The following PPARGC1A variants were observed in gnomAD, a reference collection of about 807,000 sequenced individuals.
The protein encoded by PPARGC1A is PPARG coactivator 1 alpha.
A neutral mutation model predicts 88.7 loss-of-function variants in PPARGC1A; 25 were observed. The ratio of observed to expected loss-of-function variants is 0.28; its 90% CI spans 0.21 to 0.39. The LOEUF is 0.39. Among genes scored for constraint, PPARGC1A ranks in the 10% least tolerant of loss-of-function variants. The pLI, the probability that PPARGC1A is intolerant of heterozygous loss-of-function variation, is 1.00. For synonymous variants in PPARGC1A, 363 were observed against 355.6 expected, an observed-to-expected ratio of 1.02 and a Z score of -0.24; for missense variants, 880 against 968.7, an observed-to-expected ratio of 0.91 and a Z score of 1.22.
chr4:24,195,610 G>C, the PPARGC1A span, among the ~76,000 whole-genome samples: 2 of 151,962 alleles, frequency 1.3e-5, no homozygotes, highest in Admixed American at 1.3e-4. Context: ...CAGCAAGCAG[G>C]GTTTTAAATA....
At chr4:24,208,741 C>A in the PPARGC1A span, among the ~76,000 whole-genome samples, 1 of 149,152 alleles carries the variant, frequency 6.7e-6, no homozygotes, top group Non-Finnish European at 1.5e-5. Flanking sequence ...ACGTATAATT[C>A]ATCCAGTGCT....
chr4:23,839,570 A>G (rs1726674272), intron 2 of PPARGC1A, among the ~76,000 whole-genome samples: 1 of 152,182 alleles, frequency 6.6e-6, no homozygotes, highest in African/African-American at 2.4e-5. Context: ...CATGTCCTCA[A>G]GTGAAACAAC....
At chr4:23,825,237 T>A (rs1307253094) in intron 5 of PPARGC1A, 1 of 152,098 alleles carries the variant, frequency 6.6e-6, no homozygotes, top group Non-Finnish European at 1.5e-5. Context: ...TTCAATTGCT[T>A]CTCTGTGGCA....
chr4:23,849,217 C>G (rs1230616638), intron 2 of PPARGC1A, among the ~76,000 whole-genome samples: 1 of 152,168 alleles, frequency 6.6e-6, no homozygotes. Flanking sequence ...ATAAAGAGCA[C>G]CGTAATACAT....
the PPARGC1A span, among the ~76,000 whole-genome samples, chr4:24,461,138 G>A: frequency 6.6e-6 from 1 of 152,156 alleles, no homozygotes; most frequent in Non-Finnish European, 1.5e-5. Context: ...TGTCCAAGCT[G>A]GTCTCAAACT....
the PPARGC1A span, among the ~76,000 whole-genome samples, chr4:23,985,637 G>A: frequency 6.6e-6 from 1 of 151,900 alleles, no homozygotes; most frequent in Admixed American, 6.6e-5. Flanking sequence ...GGAGGGAGCT[G>A]TTTTCAAATT....
At chr4:24,391,936 G>A in the PPARGC1A span, among the ~76,000 whole-genome samples, 1 of 151,946 alleles carries the variant, frequency 6.6e-6, no homozygotes, top group Non-Finnish European at 1.5e-5. Flanking sequence ...CCAACCACAG[G>A]GTTATGCCCT....
At chr4:24,026,488 C>G in the PPARGC1A span, among the ~76,000 whole-genome samples, 4 of 152,104 alleles carry the variant, frequency 2.6e-5, no homozygotes, top group Non-Finnish European at 1.5e-5. Flanking sequence ...ATTTCAGGTC[C>G]CTTTCTCCTT....
the PPARGC1A span, among the ~76,000 whole-genome samples, chr4:24,122,980 G>C: frequency 2.6e-5 from 4 of 152,044 alleles, no homozygotes; most frequent in Non-Finnish European, 5.9e-5. Context: ...TTCAGCCCCA[G>C]TTCTCAAATG....
upstream of PPARGC1A, among the ~76,000 whole-genome samples, chr4:23,907,658 A>G (rs193039134): frequency 2.8e-3 from 433 of 152,344 alleles, 4 homozygotes; most frequent in African/African-American, 0.01. Context: ...AGGACTAAGT[A>G]AATGGTTGTA....
intron 4 of PPARGC1A, 30 bp downstream of exon 4, chr4:23,829,433 C>A: frequency 6.2e-7 from 1 of 1,607,342 alleles, no homozygotes; most frequent in Non-Finnish European, 8.5e-7. Flanking sequence ...TTGGTACATC[C>A]CCCCTGTATT....
At chr4:23,907,995 G>C (rs1720258437), upstream of PPARGC1A, among the ~76,000 whole-genome samples, 1 of 152,136 alleles carries the variant, frequency 6.6e-6, no homozygotes, top group African/African-American at 2.4e-5. Context: ...AAATCAATGT[G>C]TAAGAGAGGC....
chr4:23,891,706 A>G (rs1402209163), upstream of PPARGC1A, among the ~76,000 whole-genome samples: 1 of 152,218 alleles, frequency 6.6e-6, no homozygotes, highest in Non-Finnish European at 1.5e-5. Flanking sequence ...TGACATTTTA[A>G]GTTTGCTGAA....
chr4:24,068,006 G>T, the PPARGC1A span, among the ~76,000 whole-genome samples: 1 of 152,130 alleles, frequency 6.6e-6, no homozygotes, highest in Non-Finnish European at 1.5e-5. Flanking sequence ...GTGTGCTTGT[G>T]TGTGTGTGTG....
chr4:24,371,196 A>G, the PPARGC1A span, among the ~76,000 whole-genome samples: 3 of 152,072 alleles, frequency 2.0e-5, no homozygotes, highest in Admixed American at 6.6e-5. Context: ...GGGCATTTGG[A>G]TTGGTTCCAA....
the PPARGC1A span, among the ~76,000 whole-genome samples, chr4:24,339,231 TATATATACAC>T: frequency 8.2e-6 from 1 of 121,354 alleles, no homozygotes; most frequent in African/African-American, 3.2e-5. Context: ...TATATATATA[TATATATACAC>T]ACACACACAC....
the PPARGC1A span, among the ~76,000 whole-genome samples, chr4:24,173,302 C>A: frequency 7.1e-6 from 1 of 140,458 alleles, no homozygotes; most frequent in African/African-American, 2.7e-5. Context: ...ATAGCAGTGG[C>A]TAGTTTTGGA....
chr4:24,157,526 T>C, the PPARGC1A span, among the ~76,000 whole-genome samples: 10 of 152,156 alleles, frequency 6.6e-5, no homozygotes, highest in African/African-American at 2.4e-4. Flanking sequence ...CTCCTGCATA[T>C]CCTATCTGCC....
the PPARGC1A span, among the ~76,000 whole-genome samples, chr4:24,276,694 G>C: frequency 6.6e-6 from 1 of 152,132 alleles, no homozygotes; most frequent in South Asian, 2.1e-4. Flanking sequence ...GGTCTCCAAA[G>C]GTAGGAAAAT....
Sources: allele counts gnomAD v4.1 joint callset (sites outside exome capture counted in the v4.1 genomes callset), GRCh38; gene constraint gnomAD v4.1.1; transcripts MANE v1.5; gene names NCBI Gene and HGNC (gene_info 2026-07-23, HGNC 2026-07-21).